The following DCAF8L2 variants were observed in gnomAD, a reference collection of about 807,000 sequenced individuals.
DCAF8L2 encodes DDB1- and CUL4-associated factor 8-like protein 2.
For synonymous variants in DCAF8L2, 200 were observed against 190.9 expected (o/e 1.05, Z -0.39); for missense variants, 430 against 490.7 (o/e 0.88, Z 1.17).
intron 4 of DCAF8L2, among the ~76,000 whole-genome samples, chrX:27,717,027 T>C (rs1185017497): frequency 8.9e-6 from 1 of 112,152 alleles, no homozygotes; most frequent in Non-Finnish European, 1.9e-5. Context: ...GATAATGGCT[T>C]CCAGCTTCAT....
chrX:27,560,245 C>A, the DCAF8L2 span, among the ~76,000 whole-genome samples: 1 of 92,579 alleles, frequency 1.1e-5, no homozygotes, highest in East Asian at 3.6e-4. Context: ...CCAGCCTGGG[C>A]GACAGAGCAA....
At chrX:27,621,453 A>C (rs1474535295) in intron 1 of DCAF8L2, among the ~76,000 whole-genome samples, 1 of 111,634 alleles carries the variant, frequency 9.0e-6, no homozygotes, top group African/African-American at 3.3e-5. Context: ...TGATAACCTA[A>C]TAGAAAACAG....
the DCAF8L2 span, among the ~76,000 whole-genome samples, chrX:27,567,583 A>ATATATG: frequency 2.2e-3 from 201 of 93,173 alleles, 2 homozygotes; most frequent in African/African-American, 7.2e-3. Flanking sequence ...ATATATATAT[A>ATATATG]TATGAAAACA....
At chrX:27,680,005 AT>A (rs1342520463) in intron 3 of DCAF8L2, among the ~76,000 whole-genome samples, 23 of 111,790 alleles carry the variant, frequency 2.1e-4, no homozygotes, top group Non-Finnish European at 3.4e-4. Flanking sequence ...TATATCCTTT[AT>A]TTTGTATCAG....
At chrX:27,482,604 A>G in the DCAF8L2 span, among the ~76,000 whole-genome samples, 1 of 111,835 alleles carries the variant, frequency 8.9e-6, no homozygotes, top group South Asian at 3.7e-4. Flanking sequence ...AGAAAATCTG[A>G]TCTTTGAATA....
chrX:27,655,162 G>A (rs1162324471), intron 2 of DCAF8L2, among the ~76,000 whole-genome samples: 1 of 111,563 alleles, frequency 9.0e-6, no homozygotes, highest in East Asian at 2.8e-4. Flanking sequence ...TAAACTCTTT[G>A]TACAGTGCTC....
At chrX:27,730,652 A>G (rs1921137524) in intron 4 of DCAF8L2, among the ~76,000 whole-genome samples, 1 of 109,627 alleles carries the variant, frequency 9.1e-6, no homozygotes, top group South Asian at 4.0e-4. Flanking sequence ...TCCTGACCTC[A>G]GGTGATCCAT....
intron 1 of DCAF8L2, among the ~76,000 whole-genome samples, chrX:27,594,519 C>G (rs1342446591): frequency 1.8e-5 from 2 of 111,492 alleles, no homozygotes; most frequent in Non-Finnish European, 3.8e-5. Flanking sequence ...TTCTTCAGTG[C>G]ATACTATCAG....
the DCAF8L2 span, among the ~76,000 whole-genome samples, chrX:27,505,314 C>T: frequency 3.6e-5 from 4 of 111,345 alleles, no homozygotes; most frequent in South Asian, 7.5e-4. Context: ...ATAAAACTCA[C>T]GGCTAAATAC....
chrX:27,647,624 A>G (rs1490720777), intron 2 of DCAF8L2, among the ~76,000 whole-genome samples: 1 of 111,696 alleles, frequency 9.0e-6, no homozygotes, highest in Non-Finnish European at 1.9e-5. Context: ...TTAGTATCCA[A>G]GAGACTGGCA....
the DCAF8L2 span, among the ~76,000 whole-genome samples, chrX:27,572,415 C>G: frequency 9.0e-6 from 1 of 111,668 alleles, no homozygotes; most frequent in African/African-American, 3.3e-5. Context: ...TTTTGAAGCC[C>G]TTTGCTTCCA....
chrX:27,609,858 G>A (rs1927078270), intron 1 of DCAF8L2, among the ~76,000 whole-genome samples: 1 of 111,448 alleles, frequency 9.0e-6, no homozygotes, highest in Non-Finnish European at 1.9e-5. Context: ...ATAGTAGATT[G>A]CTGTATTTTG....
chrX:27,477,743 A>G, the DCAF8L2 span, among the ~76,000 whole-genome samples: 1 of 111,753 alleles, frequency 8.9e-6, no homozygotes, highest in African/African-American at 3.3e-5. Flanking sequence ...ATTTTAGGGG[A>G]TGATACAGTG....
the DCAF8L2 span, among the ~76,000 whole-genome samples, chrX:27,478,087 T>A: frequency 9.0e-6 from 1 of 111,226 alleles, no homozygotes; most frequent in Non-Finnish European, 1.9e-5. Context: ...TTTTTAGGCT[T>A]GATATCCAAG....
intron 3 of DCAF8L2, among the ~76,000 whole-genome samples, chrX:27,678,338 C>T (rs1930210542): frequency 9.0e-6 from 1 of 111,364 alleles, no homozygotes. Flanking sequence ...TGAGTATATA[C>T]CCAAAGGAAT....
Position 27,631,451 on chromosome X carries a change from C to A in DCAF8L2, c.-341-428C>A, listed in dbSNP as rs779124808. On this transcript the variant is annotated intron_variant, in intron 1 of 4. Coordinates refer to ENST00000451261, the MANE Select transcript of DCAF8L2 (RefSeq NM_001353450.2). ...GAATTAAAATGTTATTATTCTCTATCTGCTCCATCTAATGCATAGTCATTA... is the reference window on the plus strand; with the variant it reads ...GAATTAAAATGTTATTATTCTCTATATGCTCCATCTAATGCATAGTCATTA... Among the ~76,000 whole-genome samples, 3 of 112,539 alleles carry A rather than the reference C, an allele frequency of 2.7e-5. No individual in the cohort carries two copies. The South Asian group carries it at 1.1e-3, about 42-fold the overall frequency.
chrX:27,593,493 T>C, intron 1 of DCAF8L2, among the ~76,000 whole-genome samples: 1 of 111,709 alleles, frequency 9.0e-6, no homozygotes, highest in Non-Finnish European at 1.9e-5. Context: ...CTTCCACCTT[T>C]TGGTTGTTGT....
chrX:27,584,863 T>C, the DCAF8L2 span, among the ~76,000 whole-genome samples: 1 of 111,533 alleles, frequency 9.0e-6, no homozygotes, highest in Admixed American at 9.6e-5. Context: ...CATTTGGCAA[T>C]ATCTGGAGAC....
At chrX:27,685,146 C>T (rs1474160815) in intron 3 of DCAF8L2, among the ~76,000 whole-genome samples, 1 of 111,702 alleles carries the variant, frequency 9.0e-6, no homozygotes, top group African/African-American at 3.3e-5. Flanking sequence ...CTTGCTTTGA[C>T]ATTGATACCT....
Sources: allele counts gnomAD v4.1 joint callset (sites outside exome capture counted in the v4.1 genomes callset), GRCh38; gene constraint gnomAD v4.1.1; transcripts MANE v1.5; gene names NCBI Gene and HGNC (gene_info 2026-07-23, HGNC 2026-07-21).